The following RNF157 variants were observed in gnomAD, a reference collection of about 807,000 sequenced individuals.
The protein encoded by RNF157 is E3 ubiquitin ligase RNF157.
A neutral mutation model predicts 88.3 loss-of-function variants in RNF157; 55 were observed. The ratio of observed to expected loss-of-function variants is 0.62; its 90% CI spans 0.50 to 0.78. The LOEUF (loss-of-function observed/expected upper bound fraction) is 0.78, where lower values mean the gene tolerates loss of function less well. Ranked by LOEUF, RNF157 falls within the 30% of genes least tolerant of loss-of-function variation. RNF157 has a pLI of 0.00. For missense variants in RNF157, 788 were observed against 860.8 expected, an observed-to-expected ratio of 0.92 and a Z score of 1.06; for synonymous variants, 334 against 341.2, an observed-to-expected ratio of 0.98 and a Z score of 0.23.
chr17:76,204,549 G>A (rs1276197668), intron 2 of RNF157, among the ~76,000 whole-genome samples: 1 of 152,156 alleles, frequency 6.6e-6, no homozygotes, highest in Admixed American at 6.5e-5. Flanking sequence ...GAATAGCACC[G>A]GGACTAACAG....
At chr17:76,197,247 TGGTACAGGA>T (rs2069493481) in intron 2 of RNF157, among the ~76,000 whole-genome samples, 1 of 152,202 alleles carries the variant, frequency 6.6e-6, no homozygotes, top group Non-Finnish European at 1.5e-5. Context: ...TTTGATGTCT[TGGTACAGGA>T]GGTACAGGAG....
chr17:76,151,303 T>C (rs929218141), intron 18 of RNF157, among the ~76,000 whole-genome samples: 2 of 152,228 alleles, frequency 1.3e-5, no homozygotes, highest in African/African-American at 4.8e-5. Flanking sequence ...AAAGTATCTC[T>C]AGAGAATTCC....
chr17:76,210,320 GCA>G (rs1568065463), intron 2 of RNF157, among the ~76,000 whole-genome samples: 1 of 151,954 alleles, frequency 6.6e-6, no homozygotes, highest in African/African-American at 2.4e-5. Flanking sequence ...CCCGCCGGGC[GCA>G]GTGGCTCATG....
In RNF157 at chr17:76,152,338, A is replaced by G. The variant is rs1175485920; in HGVS notation, c.1921+17T>C. ...ATCGTCTCCCACCAAGTTCATGTTC[A>G]GCAGACTGACACTCACCAGGTAAGC... On this transcript the variant is annotated intron_variant, in intron 18 of 18. Transcript: ENST00000269391. The G allele has an allele frequency of 1.3e-6, 2 of 1,505,032 alleles. No individual in the cohort carries two copies. Among genetic ancestry groups the G allele is most frequent in the Non-Finnish European group, 1.9e-6 (2 of 1,080,480 alleles). 93.2% of individuals were successfully genotyped at this position (1,505,032 alleles called of 1,614,324 possible). A position where few individuals can be genotyped will look rare whatever the true frequency, so the allele number is the denominator to read the frequency against.
intron 2 of RNF157, among the ~76,000 whole-genome samples, chr17:76,181,867 C>A (rs973946502): frequency 2.8e-5 from 4 of 142,216 alleles, no homozygotes; most frequent in African/African-American, 1.0e-4. Context: ...GAGATCACAC[C>A]ACTGCACTCC....
chr17:76,146,428 A>C lies in RNF157; in HGVS notation c.1922-1075T>G. 1.0e-6 allele frequency: 1 copy of C among 985,614 alleles called. No individual in the cohort carries two copies. The highest frequency in any genetic ancestry group is 4.7e-5 in the South Asian group (1 of 21,286). 61.1% of individuals were successfully genotyped at this position (985,614 alleles called of 1,614,324 possible). ...GGAGTCCTCTTCATCTCCTGCCCAC[A>C]GATGAGCTCCTCCCTCCAGTGCCCT... On this transcript the variant is annotated intron_variant, in intron 18 of 18. Coordinates refer to ENST00000269391, the MANE Select transcript of RNF157 (RefSeq NM_052916.3). The surrounding 1 kb of genome is among the most constrained non-coding windows in gnomAD (Gnocchi z 4.2).
intron 1 of RNF157, among the ~76,000 whole-genome samples, chr17:76,236,195 T>G (rs1375719045): frequency 1.3e-5 from 2 of 152,188 alleles, no homozygotes; most frequent in Non-Finnish European, 2.9e-5. Context: ...GTTTACTTCT[T>G]AAAGACTTCA....
At chr17:76,231,570 T>C (rs75783473) in intron 1 of RNF157, among the ~76,000 whole-genome samples, 3,979 of 152,184 alleles carry the variant, frequency 0.026, 165 homozygotes, top group African/African-American at 0.089. Flanking sequence ...AGTGGAAGGA[T>C]TGCTTGAGCC....
chr17:76,168,058 T>C (rs986168616), intron 3 of RNF157, among the ~76,000 whole-genome samples: 6 of 152,168 alleles, frequency 3.9e-5, no homozygotes, highest in African/African-American at 1.4e-4. Flanking sequence ...ATTAATCACA[T>C]AGTTTAAATA....
chr17:76,217,555 A>G (rs2069910272), intron 1 of RNF157, among the ~76,000 whole-genome samples: 1 of 152,090 alleles, frequency 6.6e-6, no homozygotes, highest in Non-Finnish European at 1.5e-5. Flanking sequence ...CACCAAACAC[A>G]TCAACAGTCC....
At chr17:76,190,715 C>T (rs1207984753) in intron 2 of RNF157, among the ~76,000 whole-genome samples, 3 of 150,586 alleles carry the variant, frequency 2.0e-5, no homozygotes, top group East Asian at 2.0e-4. Context: ...GTCAGGAGAT[C>T]GAGACCACGA....
chr17:76,148,852 G>A (rs181087683), intron 18 of RNF157, among the ~76,000 whole-genome samples: 1 of 152,322 alleles, frequency 6.6e-6, no homozygotes, highest in Admixed American at 6.5e-5. Context: ...TTACAGGCGT[G>A]AGCCACTGTG....
chr17:76,183,314 G>T (rs1019290123), intron 2 of RNF157, among the ~76,000 whole-genome samples: 5 of 152,064 alleles, frequency 3.3e-5, no homozygotes, highest in African/African-American at 2.4e-5. Context: ...TTTGGGGTAG[G>T]AACTAGGAAT....
chr17:76,224,675 G>C (rs111864209), intron 1 of RNF157, among the ~76,000 whole-genome samples: 1 of 151,000 alleles, frequency 6.6e-6, no homozygotes, highest in African/African-American at 2.4e-5. Flanking sequence ...ATGGTCTTAC[G>C]CCACACTTGA....
At chr17:76,151,033 G>T (rs1040990401) in intron 18 of RNF157, among the ~76,000 whole-genome samples, 2 of 152,216 alleles carry the variant, frequency 1.3e-5, no homozygotes, top group African/African-American at 4.8e-5. Flanking sequence ...GCCAGGCCAG[G>T]AGCGGGAAGG....
chr17:76,175,779 C>T (rs1468841894), intron 2 of RNF157: 1 of 985,000 alleles, frequency 1.0e-6, no homozygotes, highest in Non-Finnish European at 1.2e-6. Context: ...CGTCTTTTCC[C>T]TTATTCTTTA....
At chr17:76,228,302 C>A (rs1279991215) in intron 1 of RNF157, among the ~76,000 whole-genome samples, 2 of 152,162 alleles carry the variant, frequency 1.3e-5, no homozygotes, top group Non-Finnish European at 2.9e-5. Flanking sequence ...CAACCCCAAC[C>A]CTGTACCCTT....
intron 1 of RNF157, among the ~76,000 whole-genome samples, chr17:76,235,854 T>C (rs2070274623): frequency 6.6e-6 from 1 of 151,974 alleles, no homozygotes; most frequent in Admixed American, 6.6e-5. Flanking sequence ...ACAAAAACTT[T>C]AAACATTAGC....
intron 12 of RNF157, among the ~76,000 whole-genome samples, chr17:76,159,090 T>A (rs2068809286): frequency 6.6e-6 from 1 of 152,124 alleles, no homozygotes; most frequent in Admixed American, 6.5e-5. Context: ...CTATATCCCA[T>A]CCCCTATCCT....
Sources: gnomAD v4.1 joint callset for allele counts (sites outside exome capture counted in the v4.1 genomes callset) on GRCh38, gnomAD v4.1.1 for gene constraint, Gnocchi (gnomAD v3.1) non-coding constraint, MANE v1.5 for transcripts, NCBI Gene and HGNC (gene_info 2026-07-23, HGNC 2026-07-21) for gene names.